The following CSMD1 variants were observed in gnomAD, a reference collection of about 807,000 sequenced individuals.
The protein encoded by CSMD1 is CUB and Sushi multiple domains 1, also known as CUB and sushi domain-containing protein 1.
CSMD1 carries 213 observed loss-of-function variants against 417.5 expected under a neutral mutation model. The observed-to-expected ratio is 0.51, with a 90% CI of 0.46 to 0.57. The LOEUF (loss-of-function observed/expected upper bound fraction) is 0.57, where lower values mean the gene tolerates loss of function less well. Among genes scored for constraint, CSMD1 ranks in the 20% least tolerant of loss-of-function variants. The pLI is 0.00. For synonymous variants in CSMD1, 2,862 were observed against 1,736.8 expected, an observed-to-expected ratio of 1.65 and a Z score of -16.11; for missense variants, 6,923 against 4,529.7, an observed-to-expected ratio of 1.53 and a Z score of -15.17.
chr8:4,907,476 T>C (rs1346396946), intron 1 of CSMD1, among the ~76,000 whole-genome samples: 2 of 152,108 alleles, frequency 1.3e-5, no homozygotes, highest in Non-Finnish European at 1.5e-5. Context: ...AAAATAAATA[T>C]AAAAATCCTA....
intron 5 of CSMD1, among the ~76,000 whole-genome samples, chr8:3,917,469 C>A (rs1236871046): frequency 1.3e-5 from 2 of 151,962 alleles, no homozygotes; most frequent in Non-Finnish European, 2.9e-5. Flanking sequence ...ATGTTTCCTG[C>A]TACTATGGCT....
At chr8:4,872,523 C>T (rs1014121412) in intron 1 of CSMD1, among the ~76,000 whole-genome samples, 3 of 152,078 alleles carry the variant, frequency 2.0e-5, no homozygotes, top group East Asian at 1.9e-4. Flanking sequence ...TCACCTTCCA[C>T]CATCATTGTA....
chr8:4,904,188 G>T (rs1805084297), intron 1 of CSMD1, among the ~76,000 whole-genome samples: 1 of 152,020 alleles, frequency 6.6e-6, no homozygotes, highest in Admixed American at 6.6e-5. Context: ...CTGAACTCTG[G>T]TCATAACATG....
At chr8:3,384,546 T>G (rs2116791540) in intron 18 of CSMD1, among the ~76,000 whole-genome samples, 1 of 150,814 alleles carries the variant, frequency 6.6e-6, no homozygotes, top group Admixed American at 6.7e-5. Context: ...GGGACAGTCC[T>G]TCCTTATTAT....
At chr8:3,962,281 C>G (rs546908259) in intron 5 of CSMD1, among the ~76,000 whole-genome samples, 2 of 151,428 alleles carry the variant, frequency 1.3e-5, no homozygotes, top group East Asian at 2.0e-4. Flanking sequence ...TGTCCTGGAA[C>G]TGCCCTACAC....
chr8:3,274,451 G>T (rs1169795828), intron 26 of CSMD1, among the ~76,000 whole-genome samples: 3 of 152,122 alleles, frequency 2.0e-5, no homozygotes, highest in African/African-American at 7.2e-5. Flanking sequence ...GGTCCGCTTG[G>T]TGCAGAGCTG....
chr8:4,986,786 A>T (rs80006260), intron 1 of CSMD1, among the ~76,000 whole-genome samples: 2,603 of 152,194 alleles, frequency 0.017, 66 homozygotes, highest in African/African-American at 0.058. Flanking sequence ...GATGATAAAG[A>T]AGAAATCTTC....
chr8:3,524,777 C>T (rs185012286), intron 10 of CSMD1, among the ~76,000 whole-genome samples: 22 of 151,506 alleles, frequency 1.5e-4, no homozygotes, highest in Admixed American at 1.4e-3. Context: ...TATGCAAGTG[C>T]ACCGAGAGAC....
chr8:4,607,342 G>A (rs1045371173), intron 2 of CSMD1, among the ~76,000 whole-genome samples: 1 of 152,114 alleles, frequency 6.6e-6, no homozygotes, highest in Non-Finnish European at 1.5e-5. Context: ...GGAGTGCGGG[G>A]GACGGGCTAT....
intron 39 of CSMD1, among the ~76,000 whole-genome samples, chr8:3,151,911 A>G (rs1819218979): frequency 6.6e-6 from 1 of 152,204 alleles, no homozygotes; most frequent in Non-Finnish European, 1.5e-5. Flanking sequence ...CTAGATAAAT[A>G]CATTGCATAG....
At chr8:4,331,167 A>G (rs187942369) in intron 3 of CSMD1, among the ~76,000 whole-genome samples, 1 of 152,180 alleles carries the variant, frequency 6.6e-6, no homozygotes, top group South Asian at 2.1e-4. Context: ...TATTTGCCTG[A>G]TAAGAATAAA....
At chr8:3,753,328 C>T (rs1331829158) in intron 6 of CSMD1, among the ~76,000 whole-genome samples, 6 of 152,042 alleles carry the variant, frequency 3.9e-5, no homozygotes, top group Admixed American at 2.0e-4. Context: ...TTATTAGAAA[C>T]ATACAGGAAA....
At chr8:3,963,187 C>G (rs1812442387) in intron 5 of CSMD1, among the ~76,000 whole-genome samples, 1 of 152,166 alleles carries the variant, frequency 6.6e-6, no homozygotes, top group South Asian at 2.1e-4. Flanking sequence ...CATTCTCGGC[C>G]TCCCAAAGTG....
intron 5 of CSMD1, among the ~76,000 whole-genome samples, chr8:3,893,800 A>T (rs1380881167): frequency 6.6e-6 from 1 of 152,132 alleles, no homozygotes; most frequent in African/African-American, 2.4e-5. Flanking sequence ...CCCTATAGAG[A>T]GCATGCACAC....
chr8:4,641,878 A>G (rs1365429950), intron 1 of CSMD1, among the ~76,000 whole-genome samples: 2 of 152,240 alleles, frequency 1.3e-5, no homozygotes, highest in Admixed American at 1.3e-4. Flanking sequence ...ATTAAGTAGC[A>G]ATTGGAAACA....
intron 6 of CSMD1, among the ~76,000 whole-genome samples, chr8:3,720,987 T>G (rs917498019): frequency 8.3e-6 from 1 of 120,416 alleles, no homozygotes; most frequent in African/African-American, 3.7e-5. Context: ...GGCTAATTTA[T>G]TTTTTTTGTA....
intron 9 of CSMD1, among the ~76,000 whole-genome samples, chr8:3,578,603 T>A (rs1451414704): frequency 6.6e-6 from 1 of 152,174 alleles, no homozygotes; most frequent in Non-Finnish European, 1.5e-5. Flanking sequence ...AAGTTCTGAC[T>A]CAGAAACATA....
In CSMD1 at chr8:2,998,135, G is replaced by A. The variant is rs1807078413; in HGVS notation, c.8253C>T (p.Gly2751=). 2 of 1,613,884 alleles carry A rather than the reference G, an allele frequency of 1.2e-6. No individual in the cohort carries two copies. The highest frequency in any genetic ancestry group is 1.7e-6 in the Non-Finnish European group (2 of 1,179,864). ...CGACATCATTCAGGTTGAACTCACT[G>A]CCATTAGTGAATCCGTGGGCAGGGT... ...PGNPAHGFTN[G]SEFNLNDVVN... Residue 2751 remains glycine (G), a synonymous_variant, in exon 54 of 70, where the codon GGC becomes GGT. Transcript: ENST00000635120.
chr8:4,839,986 G>C (rs1800741574), intron 1 of CSMD1, among the ~76,000 whole-genome samples: 1 of 152,194 alleles, frequency 6.6e-6, no homozygotes, highest in South Asian at 2.1e-4. Flanking sequence ...AAATAGGAAT[G>C]TGGAACTTAC....
Sources: gnomAD v4.1 joint callset for allele counts (sites outside exome capture counted in the v4.1 genomes callset) on GRCh38, gnomAD v4.1.1 for gene constraint, MANE v1.5 for transcripts, NCBI Gene and HGNC (gene_info 2026-07-23, HGNC 2026-07-21) for gene names.